TNIK: variants seen among roughly 807,000 people sequenced by gnomAD.
The protein encoded by TNIK is TRAF2 and NCK-interacting protein kinase.
Under a neutral mutation model 191.3 loss-of-function variants are expected in TNIK, and 49 were observed. The ratio of observed to expected loss-of-function variants is 0.26; its 90% CI spans 0.20 to 0.32. The LOEUF is 0.32. TNIK is among the 10% of genes least tolerant of loss of function. TNIK has a pLI of 1.00. For synonymous variants in TNIK, 594 were observed against 600.9 expected, an observed-to-expected ratio of 0.99 and a Z score of 0.17; for missense variants, 1,155 against 1,702.3, an observed-to-expected ratio of 0.68 and a Z score of 5.66.
intron 1 of TNIK, among the ~76,000 whole-genome samples, chr3:171,406,212 G>T (rs1721652708): frequency 6.6e-6 from 1 of 152,042 alleles, no homozygotes; most frequent in African/African-American, 2.4e-5. Flanking sequence ...GGTGGTCCCT[G>T]TTGCCAGCAC....
intron 15 of TNIK, among the ~76,000 whole-genome samples, chr3:171,132,673 G>A (rs906675614): frequency 3.9e-5 from 6 of 152,168 alleles, no homozygotes; most frequent in Non-Finnish European, 7.4e-5. Flanking sequence ...AGGTTACAGT[G>A]TCTCACTTTA....
chr3:171,316,354 T>C (rs910251357), intron 2 of TNIK, among the ~76,000 whole-genome samples: 2 of 151,970 alleles, frequency 1.3e-5, no homozygotes, highest in African/African-American at 4.8e-5. Flanking sequence ...CAAGGAGGAA[T>C]AGAGAGAAAG....
intron 13 of TNIK, 42 bp downstream of exon 13, chr3:171,140,357 T>C (rs1008942095): frequency 6.7e-7 from 1 of 1,489,448 alleles, no homozygotes; most frequent in Non-Finnish European, 9.0e-7. Context: ...GGTGCTGGGG[T>C]CCCCGGGGGG....
rs552960431 is a variant in TNIK, at chr3:171,405,982, T to C, written c.58-36297A>G. On this transcript the variant is annotated intron_variant, in intron 1 of 32. Coordinates refer to ENST00000436636, the MANE Select transcript of TNIK (RefSeq NM_015028.4). ...GAATCAACCTCTACAGAGGTAAAAA[T>C]GGAAAGGGCGGGAGGAGATACAGCT... 3.3e-5 allele frequency among the ~76,000 whole-genome samples: 5 copies of C among 152,114 alleles called. No individual in the cohort carries two copies. The South Asian group carries it at 1.0e-3, about 32-fold the overall frequency.
chr3:171,126,197 G>A, intron 16 of TNIK, 46 bp from the exon 17 acceptor site: 26 of 1,439,966 alleles, frequency 1.8e-5, no homozygotes, highest in South Asian at 3.3e-5. Context: ...GAAGAAAAAA[G>A]AGATCAGCCA....
chr3:171,233,278 C>T lies in TNIK; in HGVS notation c.124-5057G>A, dbSNP rs117977152. 2.6e-4 allele frequency among the ~76,000 whole-genome samples: 39 copies of T among 151,916 alleles called. 1 individual carries two copies. In the East Asian group the frequency reaches 7.3e-3, roughly 29 times the overall value. On this transcript the variant is annotated intron_variant, in intron 2 of 32. Transcript: ENST00000436636. ...TGTTTCCACAGAATACTATCCCAACCCCACTGATCATAACCAGCACTGTGA... is the reference window on the plus strand; with the variant it reads ...TGTTTCCACAGAATACTATCCCAACTCCACTGATCATAACCAGCACTGTGA...
At position 171,376,076 on chromosome 3, in the gene TNIK, T is replaced by C. The variant is rs1180417775; in HGVS notation, c.58-6391A>G. Among the ~76,000 whole-genome samples, 2 of 152,206 alleles carry C rather than the reference T, an allele frequency of 1.3e-5. 1 individual carries two copies. The highest frequency in any genetic ancestry group is 4.1e-4 in the South Asian group (2 of 4,830). The stretch of plus-strand genomic sequence containing the variant: ...CTTACGGGCCTTAAGAAGACCAAAA[T>C]GTTATTTCTTTTAGAACCATATTTA... On this transcript the variant is annotated intron_variant, in intron 1 of 32. Transcript: ENST00000436636.
At chr3:171,359,004 T>C (rs1043015207) in intron 2 of TNIK, among the ~76,000 whole-genome samples, 3 of 152,152 alleles carry the variant, frequency 2.0e-5, no homozygotes, top group Admixed American at 2.0e-4. Flanking sequence ...AGGGTTTCAG[T>C]TGAGGATGAT....
At chr3:171,423,189 C>G (rs1396439833) in intron 1 of TNIK, among the ~76,000 whole-genome samples, 3 of 152,114 alleles carry the variant, frequency 2.0e-5, no homozygotes, top group African/African-American at 7.2e-5. Context: ...ACACCAATAA[C>G]GGACAAACAG....
At chr3:171,379,866 G>C (rs1559997725) in intron 1 of TNIK, among the ~76,000 whole-genome samples, 1 of 152,024 alleles carries the variant, frequency 6.6e-6, no homozygotes. Context: ...AAAATTAGCT[G>C]GGCGTGGTGG....
chr3:171,327,928 A>AAAAAAAAAAAAC (rs1560433753), intron 2 of TNIK, among the ~76,000 whole-genome samples: 1 of 129,466 alleles, frequency 7.7e-6, no homozygotes, highest in African/African-American at 3.2e-5. Flanking sequence ...AAAAAAAAAA[A>AAAAAAAAAAAAC]AAATCACTTG....
chr3:171,112,369 G>C (rs1278528589), intron 18 of TNIK, among the ~76,000 whole-genome samples: 2 of 152,146 alleles, frequency 1.3e-5, no homozygotes, highest in African/African-American at 2.4e-5. Flanking sequence ...ACCAGCTACT[G>C]GATGTGTACA....
chr3:171,397,016 A>G (rs1720341608), intron 1 of TNIK, among the ~76,000 whole-genome samples: 1 of 152,210 alleles, frequency 6.6e-6, no homozygotes, highest in Non-Finnish European at 1.5e-5. Context: ...CTTCTCACCA[A>G]GAGTCTGAAT....
intron 2 of TNIK, among the ~76,000 whole-genome samples, chr3:171,333,886 GTATT>G (rs1325490205): frequency 6.6e-6 from 1 of 152,186 alleles, no homozygotes; most frequent in African/African-American, 2.4e-5. Flanking sequence ...CTCCAACTGC[GTATT>G]TGTCTTTTAA....
chr3:171,108,422 T>C (rs1270273991), intron 19 of TNIK, among the ~76,000 whole-genome samples: 4 of 152,220 alleles, frequency 2.6e-5, no homozygotes, highest in Non-Finnish European at 4.4e-5. Flanking sequence ...GAGCACTTCT[T>C]ATGTGTCAGG....
intron 7 of TNIK, among the ~76,000 whole-genome samples, chr3:171,180,047 G>A (rs1446102225): frequency 1.3e-5 from 2 of 152,150 alleles, no homozygotes; most frequent in Non-Finnish European, 2.9e-5. Flanking sequence ...TGCAACAGAA[G>A]GGTCCAATTT....
chr3:171,279,635 C>T (rs1407128368), intron 2 of TNIK, among the ~76,000 whole-genome samples: 1 of 152,158 alleles, frequency 6.6e-6, no homozygotes, highest in African/African-American at 2.4e-5. Context: ...TTGAGCTGCT[C>T]TATCCAAGGC....
intron 2 of TNIK, among the ~76,000 whole-genome samples, chr3:171,296,627 C>T (rs949033512): frequency 2.0e-5 from 3 of 152,108 alleles, no homozygotes; most frequent in African/African-American, 4.8e-5. Context: ...TTAGGACTTG[C>T]TTTAAAATTC....
intron 21 of TNIK, among the ~76,000 whole-genome samples, chr3:171,102,885 T>C (rs2108459464): frequency 6.6e-6 from 1 of 152,322 alleles, no homozygotes; most frequent in East Asian, 1.9e-4. Flanking sequence ...TAAATTATAA[T>C]TTTATTTTGA....
Sources: gnomAD v4.1 joint callset for allele counts (sites outside exome capture counted in the v4.1 genomes callset) on GRCh38, gnomAD v4.1.1 for gene constraint, MANE v1.5 for transcripts, NCBI Gene and HGNC (gene_info 2026-07-23, HGNC 2026-07-21) for gene names.